The following TRAFD1 variants were observed in gnomAD, a reference collection of about 807,000 sequenced individuals.
The protein encoded by TRAFD1 is TRAF-type zinc finger domain-containing protein 1.
TRAFD1 carries 38 observed loss-of-function variants against 65.3 expected under a neutral mutation model. The observed-to-expected ratio is 0.58, with a 90% CI of 0.45 to 0.76. TRAFD1 has a LOEUF of 0.76. Among genes scored for constraint, TRAFD1 ranks in the 30% least tolerant of loss-of-function variants. The pLI, the probability that TRAFD1 is intolerant of heterozygous loss-of-function variation, is 0.00. For missense variants in TRAFD1, 631 were observed against 712.6 expected, an observed-to-expected ratio of 0.89 and a Z score of 1.30; for synonymous variants, 223 against 257.2, an observed-to-expected ratio of 0.87 and a Z score of 1.27.
At position 112,140,828 on chromosome 12, in the gene TRAFD1, T is replaced by A. The variant is rs1192803548; in HGVS notation, c.247T>A (p.Cys83Ser). 1 of 1,613,928 alleles carries A rather than the reference T, an allele frequency of 6.2e-7. No homozygotes were observed. The highest frequency in any genetic ancestry group is 8.5e-7 in the Non-Finnish European group (1 of 1,179,806). ...RLLKKHEETE[C>S]PLRLAVCQHC... ...TTCCTCTGTTTTGTAGGAGACTGAG[T>A]GCCCTTTGCGGCTTGCTGTCTGCCA... The change falls in exon 5 of 12, where the codon TGC becomes AGC. Residue 83 changes from cysteine (C) to serine (S), a missense_variant. Cys to Ser is a moderately radical substitution (Grantham distance 112). Transcript: ENST00000412615.
Position 112,152,191 on chromosome 12 carries a change from T to C in TRAFD1, c.1619+51T>C. On this transcript the variant is annotated intron_variant, in intron 10 of 11. Coordinates refer to ENST00000412615, the MANE Select transcript of TRAFD1 (RefSeq NM_006700.3). The surrounding 1 kb of genome is among the most constrained non-coding windows in gnomAD (Gnocchi z 5.0). ...GGCTTGGGAGTAGCTGAAGCGAACATGGGCAAAGGCCTGGTTACCCTTGCC... is the reference window on the plus strand; with the variant it reads ...GGCTTGGGAGTAGCTGAAGCGAACACGGGCAAAGGCCTGGTTACCCTTGCC... 6.4e-7 allele frequency: 1 copy of C among 1,563,968 alleles called. No homozygotes were observed. The highest frequency in any genetic ancestry group is 8.7e-7 in the Non-Finnish European group (1 of 1,155,094).
At chr12:112,136,877 G>A (rs929471826) in intron 4 of TRAFD1, among the ~76,000 whole-genome samples, 1 of 152,226 alleles carries the variant, frequency 6.6e-6, no homozygotes, top group Non-Finnish European at 1.5e-5. Context: ...ACAGGCGTGA[G>A]CTATGGCATC....
chr12:112,140,226 C>T (rs948951859), intron 4 of TRAFD1: 1 of 211,848 alleles, frequency 4.7e-6, no homozygotes, highest in Admixed American at 5.7e-5. Context: ...CAAGACCAGC[C>T]TGGCCAACAT....
rs1340754941 is a variant in TRAFD1, at chr12:112,135,038, T to TG, written c.211dup (p.Glu71GlyfsTer9). 1 of 1,614,216 alleles carries TG rather than the reference T, an allele frequency of 6.2e-7. No individual in the cohort carries two copies. The highest frequency in any genetic ancestry group is 1.1e-5 in the South Asian group (1 of 91,078). On this transcript the variant is annotated frameshift_variant, in exon 4 of 12. Transcript: ENST00000412615. LOFTEE classifies it high-confidence loss of function. ...GTGACCTGCAAATGTAACAAGAAGT[T>TG]GGAGAAGAGGCTGTTAAAGAAGCAT... is the stretch of plus-strand genomic sequence containing the variant.
intron 4 of TRAFD1, among the ~76,000 whole-genome samples, chr12:112,139,511 C>T (rs905377931): frequency 1.3e-5 from 2 of 151,726 alleles, no homozygotes; most frequent in African/African-American, 2.4e-5. Context: ...GCAACCTCCA[C>T]CTCCCGGGTT....
Position 112,152,316 on chromosome 12 carries a change from G to C in TRAFD1, c.1620-111G>C. On this transcript the variant is annotated intron_variant, in intron 10 of 11. Coordinates refer to ENST00000412615, the MANE Select transcript of TRAFD1 (RefSeq NM_006700.3). This position sits in a 1 kb window ranked among gnomAD's most constrained non-coding sequence, Gnocchi z 5.0. The stretch of plus-strand genomic sequence containing the variant: ...CCAAAAAAATTATTTTGTGGCCTAT[G>C]GGTTTTTTGGGGTTTGTCTGCTAGC... 1 of 1,480,540 alleles carries C rather than the reference G, an allele frequency of 6.8e-7. No individual in the cohort carries two copies. Among genetic ancestry groups the C allele is most frequent in the East Asian group, 2.3e-5 (1 of 43,994 alleles). 91.7% of individuals were successfully genotyped at this position (1,480,540 alleles called of 1,614,324 possible).
intron 7 of TRAFD1, among the ~76,000 whole-genome samples, chr12:112,146,627 C>T (rs949411515): frequency 3.3e-5 from 5 of 152,250 alleles, no homozygotes; most frequent in African/African-American, 1.2e-4. Flanking sequence ...CTCCTTAACA[C>T]ATCCAACAAC....
chr12:112,149,821 A>G lies in TRAFD1; in HGVS notation c.1229A>G (p.Gln410Arg). 6.2e-7 allele frequency: 1 copy of G among 1,614,192 alleles called. No homozygotes were observed. Among genetic ancestry groups the G allele is most frequent in the Non-Finnish European group, 8.5e-7 (1 of 1,180,028 alleles). ...VTEGIPRLDS[Q>R]PQETSPELPR... is the part of the protein sequence containing the mutation. ...GAGGGGATTCCTAGACTGGATTCCC[A>G]GCCTCAAGAGACCTCACCAGAGCTG... is the stretch of plus-strand genomic sequence containing the variant. The change falls in exon 9 of 12, where the codon CAG becomes CGG. Residue 410 changes from glutamine to arginine, a missense_variant. Transcript: ENST00000412615.
At position 112,152,247 on chromosome 12, in the gene TRAFD1, G is replaced by A; in HGVS notation, c.1619+107G>A. The A allele has an allele frequency of 3.5e-6, 5 of 1,411,884 alleles. No homozygotes were observed. Among genetic ancestry groups the A allele is most frequent in the South Asian group, 1.3e-5 (1 of 75,826 alleles). The allele number at this position is 1,411,884 out of a possible 1,614,324, so 87.5% of individuals were successfully genotyped here. ...TGGGGTAAGACTGAGGTACTTGCAT[G>A]GTAAGGGGAGGAGTATGGATTTTCC... On this transcript the variant is annotated intron_variant, in intron 10 of 11. Coordinates refer to ENST00000412615, the MANE Select transcript of TRAFD1 (RefSeq NM_006700.3). This position sits in a 1 kb window ranked among gnomAD's most constrained non-coding sequence, Gnocchi z 5.0.
intron 4 of TRAFD1, among the ~76,000 whole-genome samples, chr12:112,138,367 T>G (rs1008412393): frequency 1.3e-5 from 2 of 151,968 alleles, no homozygotes; most frequent in African/African-American, 4.8e-5. Flanking sequence ...CTGGTCAACA[T>G]GGTGAAACCC....
At chr12:112,132,293 A>G (rs868176308) in intron 2 of TRAFD1, among the ~76,000 whole-genome samples, 9 of 152,234 alleles carry the variant, frequency 5.9e-5, no homozygotes, top group Middle Eastern at 6.8e-3. Context: ...TTACCATTCT[A>G]TGATACTGTA....
intron 2 of TRAFD1, among the ~76,000 whole-genome samples, chr12:112,134,285 C>T (rs2079583034): frequency 6.8e-6 from 1 of 147,654 alleles, no homozygotes; most frequent in Non-Finnish European, 1.5e-5. Flanking sequence ...GCTGGGATTA[C>T]AGGCGTGAGC....
intron 4 of TRAFD1, among the ~76,000 whole-genome samples, chr12:112,138,586 G>C (rs908385337): frequency 6.6e-6 from 1 of 150,566 alleles, no homozygotes; most frequent in African/African-American, 2.4e-5. Context: ...TGCTGGGCGT[G>C]GTGGCTCACG....
chr12:112,142,918 A>AT (rs563224309), intron 6 of TRAFD1, among the ~76,000 whole-genome samples: 9,634 of 142,980 alleles, frequency 0.067, 428 homozygotes, highest in East Asian at 0.23. Context: ...TATTCTGAAC[A>AT]TTTTTTTTTT....
intron 6 of TRAFD1, among the ~76,000 whole-genome samples, chr12:112,143,796 G>A (rs1480873754): frequency 1.4e-5 from 2 of 141,662 alleles, no homozygotes; most frequent in African/African-American, 5.3e-5. Flanking sequence ...GCAGTGGTGT[G>A]ATCGCGGCTC....
rs377566299 is a variant in TRAFD1, at chr12:112,129,236, C to G, written c.-12-1275C>G. On this transcript the variant is annotated intron_variant, in intron 1 of 11. Coordinates refer to ENST00000412615, the MANE Select transcript of TRAFD1 (RefSeq NM_006700.3). Reference sequence around the variant, plus strand: ...TTTTTTTTTGAGACAGGATCTCACTCTGTCACCCAGGCTAGGGTGCAGTGG... The same window carrying G: ...TTTTTTTTTGAGACAGGATCTCACTGTGTCACCCAGGCTAGGGTGCAGTGG... Among the ~76,000 whole-genome samples the G allele has an allele frequency of 5.9e-3, 725 of 123,604 alleles. 7 individuals are homozygous for G. The highest frequency in any genetic ancestry group is 0.03 in the South Asian group (111 of 3,642). The allele number at this position is 123,604 out of a possible 152,430, so 81.1% of individuals were successfully genotyped here. A position where few individuals can be genotyped will look rare whatever the true frequency, so the allele number is the denominator to read the frequency against.
rs1163330149 is a variant in TRAFD1 at position 112,153,099 on chromosome 12, C to T, written c.*308C>T. On this transcript the variant is annotated 3_prime_UTR_variant, in exon 12 of 12. Coordinates refer to ENST00000412615, the MANE Select transcript of TRAFD1 (RefSeq NM_006700.3). Reference sequence around the variant, plus strand: ...TTATTGTCGCCACTGCCCCTTGGTGCTGTGTGGTCCCAGTGGAAGGAGGGG... The same window carrying T: ...TTATTGTCGCCACTGCCCCTTGGTGTTGTGTGGTCCCAGTGGAAGGAGGGG... The T allele has an allele frequency of 3.3e-6, 1 of 305,510 alleles. No individual in the cohort carries two copies. Among genetic ancestry groups the T allele is most frequent in the Non-Finnish European group, 6.1e-6 (1 of 164,020 alleles). The allele number at this position is 305,510 out of a possible 1,614,324, so 18.9% of individuals were successfully genotyped here. A position where few individuals can be genotyped will look rare whatever the true frequency, so the allele number is the denominator to read the frequency against.
Position 112,148,074 on chromosome 12 carries a change from A to T in TRAFD1, c.928A>T (p.Thr310Ser). ...YPEELLIDHQ[T>S]SCNPSRALPS... ...TTAACCTATATTTTTTGAATGACAGACAAGCTGTAACCCTTCACGTGCCTT... is the reference window on the plus strand; with the variant it reads ...TTAACCTATATTTTTTGAATGACAGTCAAGCTGTAACCCTTCACGTGCCTT... The change falls in exon 8 of 12, where the codon ACA becomes TCA. Residue 310 changes from threonine to serine, a missense_variant and splice_region_variant. Transcript: ENST00000412615. 6.2e-7 allele frequency: 1 copy of T among 1,609,154 alleles called. No individual in the cohort carries two copies. The highest frequency in any genetic ancestry group is 8.5e-7 in the Non-Finnish European group (1 of 1,176,786).
intron 1 of TRAFD1, among the ~76,000 whole-genome samples, chr12:112,126,840 G>T (rs993790555): frequency 1.3e-5 from 2 of 152,094 alleles, no homozygotes; most frequent in Non-Finnish European, 2.9e-5. Context: ...TTTTAGTAGA[G>T]ACTTGGTTTT....
Sources: gnomAD v4.1 joint callset for allele counts (sites outside exome capture counted in the v4.1 genomes callset) on GRCh38, gnomAD v4.1.1 for gene constraint, Gnocchi (gnomAD v3.1) non-coding constraint, MANE v1.5 for transcripts, NCBI Gene and HGNC (gene_info 2026-07-23, HGNC 2026-07-21) for gene names.